Variants in PODXL observed in about 807,000 individuals in gnomAD.
The protein encoded by PODXL is podocalyxin like, also known as podocalyxin.
In PODXL, 20 loss-of-function variants were observed where a neutral mutation model predicts 48.9. The observed-to-expected ratio is 0.41, with a 90% CI of 0.29 to 0.59. PODXL has a LOEUF of 0.59. PODXL is among the 20% of genes least tolerant of loss of function. The pLI is 0.31. For synonymous variants in PODXL, 295 were observed against 287.4 expected (o/e 1.03, Z -0.27); for missense variants, 606 against 675.1 (o/e 0.90, Z 1.13).
intron 1 of PODXL, among the ~76,000 whole-genome samples, chr7:131,518,411 A>G (rs1030975081): frequency 6.6e-6 from 1 of 152,228 alleles, no homozygotes; most frequent in Non-Finnish European, 1.5e-5. Flanking sequence ...CTTCTCCTGA[A>G]CGGGTCTGGT....
chr7:131,506,565 T>G lies in PODXL; in HGVS notation c.1249+14A>C. The stretch of plus-strand genomic sequence containing the variant: ...ATGCAGGCCCCAGCCCAGGCCCCCT[T>G]GCCCTCCACTCACTGTGAATAGTGA... On this transcript the variant is annotated intron_variant, in intron 6 of 8. Coordinates refer to ENST00000378555, the MANE Select transcript of PODXL (RefSeq NM_001018111.3). The G allele has an allele frequency of 6.2e-7, 1 of 1,613,460 alleles. No homozygotes were observed. The highest frequency in any genetic ancestry group is 8.5e-7 in the Non-Finnish European group (1 of 1,179,540).
chr7:131,525,786 C>T (rs1798176054), intron 1 of PODXL, among the ~76,000 whole-genome samples: 1 of 152,000 alleles, frequency 6.6e-6, no homozygotes. Flanking sequence ...GACATGTATA[C>T]TAGGATTGAA....
At chr7:131,528,440 GCGTCAGAAT>G (rs1283311760) in intron 1 of PODXL, among the ~76,000 whole-genome samples, 7 of 152,212 alleles carry the variant, frequency 4.6e-5, no homozygotes, top group African/African-American at 1.4e-4. Context: ...TCTTCAGCAA[GCGTCAGAAT>G]CACACAGAGG....
Position 131,504,257 on chromosome 7 carries a change from G to T in PODXL, c.*54C>A. On this transcript the variant is annotated 3_prime_UTR_variant, in exon 9 of 9. Coordinates refer to ENST00000378555, the MANE Select transcript of PODXL (RefSeq NM_001018111.3). ...TCCCTTCCCCATCCAAACGGCACTT[G>T]GGGTGGTTGGTCTGGAGCTCTGTGG... 6.8e-7 allele frequency: 1 copy of T among 1,467,980 alleles called. No individual in the cohort carries two copies. Among genetic ancestry groups the T allele is most frequent in the Non-Finnish European group, 9.5e-7 (1 of 1,052,766 alleles). 90.9% of individuals were successfully genotyped at this position (1,467,980 alleles called of 1,614,324 possible).
intron 1 of PODXL, among the ~76,000 whole-genome samples, chr7:131,530,273 G>A (rs931047912): frequency 2.6e-5 from 4 of 151,948 alleles, no homozygotes; most frequent in Non-Finnish European, 2.9e-5. Flanking sequence ...TGGGAGAGCC[G>A]GATCAGTAAG....
chr7:131,556,479 G>A lies in PODXL; in HGVS notation c.-120C>T. The stretch of plus-strand genomic sequence containing the variant: ...GCCTGTGGGTGGCTCCGGAGGCCAG[G>A]CTGTGGCCCGGGGCTCCCGAGTCGC... On this transcript the variant is annotated 5_prime_UTR_variant, in exon 1 of 9. Transcript: ENST00000378555. 5 of 1,181,692 alleles carry A rather than the reference G, an allele frequency of 4.2e-6. No individual in the cohort carries two copies. The highest frequency in any genetic ancestry group is 4.3e-6 in the Non-Finnish European group (4 of 936,004). The allele number at this position is 1,181,692 out of a possible 1,614,324, so 73.2% of individuals were successfully genotyped here.
rs1023527566 is a variant in PODXL at position 131,500,862 on chromosome 7, GCA to G, written c.*3447_*3448del. 6.6e-6 allele frequency: 1 copy of G among 152,112 alleles called. No homozygotes were observed. The highest frequency in any genetic ancestry group is 1.5e-5 in the Non-Finnish European group (1 of 68,012). The allele number at this position is 152,112 out of a possible 1,614,324, so 9.4% of individuals were successfully genotyped here. A position where few individuals can be genotyped will look rare whatever the true frequency, so the allele number is the denominator to read the frequency against. On this transcript the variant is annotated 3_prime_UTR_variant, in exon 9 of 9. Coordinates refer to ENST00000378555, the MANE Select transcript of PODXL (RefSeq NM_001018111.3). ...ATTTACCGATTATTCCTTCTGAGGC[GCA>G]CAGTCTGTGGATCCAGGTTTTAATC... is the stretch of plus-strand genomic sequence containing the variant.
chr7:131,541,287 G>T (rs886241647), intron 1 of PODXL, among the ~76,000 whole-genome samples: 1 of 151,696 alleles, frequency 6.6e-6, no homozygotes, highest in Non-Finnish European at 1.5e-5. Context: ...CACACGATCC[G>T]AATTTCTTTG....
chr7:131,527,620 G>A (rs1186997954), intron 1 of PODXL, among the ~76,000 whole-genome samples: 2 of 152,226 alleles, frequency 1.3e-5, no homozygotes, highest in Non-Finnish European at 2.9e-5. Context: ...CGGGCAGACT[G>A]AAGAGTGAAT....
intron 1 of PODXL, among the ~76,000 whole-genome samples, chr7:131,547,982 C>G (rs1228425522): frequency 2.0e-5 from 3 of 152,244 alleles, no homozygotes; most frequent in Non-Finnish European, 4.4e-5. Flanking sequence ...GTGGGGGAAC[C>G]CAGGTCCTTC....
At chr7:131,521,157 C>CAAA (rs35374057) in intron 1 of PODXL, among the ~76,000 whole-genome samples, 135 of 134,814 alleles carry the variant, frequency 1.0e-3, no homozygotes, top group African/African-American at 3.7e-3. Flanking sequence ...GACTCCATCT[C>CAAA]AAAAAAAAAA....
rs767490123 is a variant in PODXL, at chr7:131,511,261, C to A, written c.273G>T (p.Gly91=). The A allele has an allele frequency of 1.9e-6, 3 of 1,613,866 alleles. No individual in the cohort carries two copies. In the African/African-American group the frequency reaches 4.0e-5, roughly 22 times the overall value. Residue 91 remains glycine, a synonymous_variant, in exon 2 of 9, where the codon GGG becomes GGT. Transcript: ENST00000378555. ...TTLGVSSDSP[G]TTTLAQQVSG... is the part of the protein sequence containing the mutation. ...AGACTTGCTGAGCCAGGGTTGTAGT[C>A]CCCGGTGAGTCACTGGATACACCAA...
At chr7:131,528,515 G>A (rs115142601) in intron 1 of PODXL, among the ~76,000 whole-genome samples, 4 of 152,292 alleles carry the variant, frequency 2.6e-5, no homozygotes, top group African/African-American at 7.2e-5. Flanking sequence ...CAGCAGGCCT[G>A]GGATGTGAAA....
chr7:131,530,414 A>G (rs1798259069), intron 1 of PODXL, among the ~76,000 whole-genome samples: 1 of 151,948 alleles, frequency 6.6e-6, no homozygotes, highest in African/African-American at 2.4e-5. Flanking sequence ...GATGCTCCCC[A>G]TGTTACGGTC....
chr7:131,525,712 A>T (rs1643261), intron 1 of PODXL, among the ~76,000 whole-genome samples: 152,251 of 152,256 alleles, frequency 1, 76,123 homozygotes, highest in Non-Finnish European at 1. Context: ...GAACTGCATA[A>T]AAACAGTGTA....
intron 1 of PODXL, among the ~76,000 whole-genome samples, chr7:131,534,869 G>A (rs1157498985): frequency 2.6e-5 from 4 of 152,112 alleles, no homozygotes; most frequent in Admixed American, 2.6e-4. Context: ...GGAAAACATG[G>A]TGAAACCCTG....
At chr7:131,506,080 C>G (rs1004793097) in intron 7 of PODXL, 45 bp from the exon 8 acceptor site, 1 of 1,588,060 alleles carries the variant, frequency 6.3e-7, no homozygotes, top group African/African-American at 1.3e-5. Context: ...ATCCTCTCTC[C>G]CTCAGCCCCC....
chr7:131,546,716 G>A, intron 1 of PODXL, among the ~76,000 whole-genome samples: 1 of 131,050 alleles, frequency 7.6e-6, no homozygotes, highest in African/African-American at 3.0e-5. Flanking sequence ...ACACAGTGAG[G>A]CCCTGTCTCA....
intron 1 of PODXL, 29 bp from the exon 2 acceptor site, chr7:131,511,462 T>G: frequency 6.3e-7 from 1 of 1,597,740 alleles, no homozygotes; most frequent in Non-Finnish European, 8.5e-7. Flanking sequence ...GAGAATGGAG[T>G]TAGGGCTGGG....
Sources: allele counts gnomAD v4.1 joint callset (sites outside exome capture counted in the v4.1 genomes callset), GRCh38; gene constraint gnomAD v4.1.1; transcripts MANE v1.5; gene names NCBI Gene and HGNC (gene_info 2026-07-23, HGNC 2026-07-21).